TAX1BP1: variants seen among roughly 807,000 people sequenced by gnomAD.
The protein encoded by TAX1BP1 is tax1-binding protein 1.
A neutral mutation model predicts 97.7 loss-of-function variants in TAX1BP1; 62 were observed. The ratio of observed to expected loss-of-function variants is 0.63; its 90% CI spans 0.52 to 0.78. The LOEUF (loss-of-function observed/expected upper bound fraction) is 0.78. Among genes scored for constraint, TAX1BP1 ranks in the 30% least tolerant of loss-of-function variants. The pLI, the probability that TAX1BP1 is intolerant of heterozygous loss-of-function variation, is 0.00. For missense variants in TAX1BP1, 867 were observed against 916.1 expected (o/e 0.95, Z 0.69); for synonymous variants, 340 against 304.2 (o/e 1.12, Z -1.23).
chr7:27,787,870 C>G (rs1202880730), intron 8 of TAX1BP1, among the ~76,000 whole-genome samples: 1 of 152,002 alleles, frequency 6.6e-6, no homozygotes, highest in Non-Finnish European at 1.5e-5. Context: ...TTTAGCATGT[C>G]TCCCTTATGA....
chr7:27,797,300 T>A (rs1789972645), intron 12 of TAX1BP1, among the ~76,000 whole-genome samples: 1 of 152,034 alleles, frequency 6.6e-6, no homozygotes, highest in African/African-American at 2.4e-5. Flanking sequence ...CCCGGCCTAT[T>A]TTGATTATTT....
At chr7:27,818,197 C>A (rs764075715) in intron 15 of TAX1BP1, among the ~76,000 whole-genome samples, 4 of 152,166 alleles carry the variant, frequency 2.6e-5, no homozygotes, top group Non-Finnish European at 4.4e-5. Context: ...TCTTTCTGAT[C>A]TGTGTGCTTT....
At chr7:27,776,780 AGTT>A (rs145430199) in intron 5 of TAX1BP1, among the ~76,000 whole-genome samples, 11,524 of 144,918 alleles carry the variant, frequency 0.08, 638 homozygotes, top group Middle Eastern at 0.12. Flanking sequence ...TGTTGCTTAA[AGTT>A]GTTTCAGAGT....
intron 7 of TAX1BP1, among the ~76,000 whole-genome samples, chr7:27,786,010 T>G (rs1789464302): frequency 6.6e-6 from 1 of 152,188 alleles, no homozygotes; most frequent in Non-Finnish European, 1.5e-5. Context: ...ATATACACAT[T>G]GGGGAGAACA....
intron 4 of TAX1BP1, among the ~76,000 whole-genome samples, chr7:27,768,522 G>A (rs2128312169): frequency 6.6e-6 from 1 of 151,942 alleles, no homozygotes; most frequent in South Asian, 2.1e-4. Flanking sequence ...GTTGTGCTAT[G>A]TCAAGATATA....
At chr7:27,826,739 G>C (rs2051830) in intron 15 of TAX1BP1, among the ~76,000 whole-genome samples, 120,286 of 152,166 alleles carry the variant, frequency 0.79, 48,524 homozygotes, top group African/African-American at 0.95. Context: ...TGTTTTCTTT[G>C]TGATGAAAAC....
At chr7:27,780,853 A>G (rs987901494) in intron 5 of TAX1BP1, among the ~76,000 whole-genome samples, 10 of 152,158 alleles carry the variant, frequency 6.6e-5, no homozygotes, top group African/African-American at 2.4e-4. Context: ...TTTTAAACCC[A>G]TAATTTTTGT....
rs1483139873 is a variant in TAX1BP1 at position 27,828,751 on chromosome 7, C to A, written c.2292C>A (p.Phe764Leu). The stretch of plus-strand genomic sequence containing the variant: ...TGTGCCCGATGTGCAGCGAGCAGTT[C>A]CCTCCTGACTATGACCAGCAGGTGT... ...WKVCPMCSEQ[F>L]PPDYDQQVFE... The change falls in exon 17 of 17, where the codon TTC becomes TTA. Residue 764 changes from phenylalanine (F) to leucine (L), a missense_variant. Coordinates refer to ENST00000396319, the MANE Select transcript of TAX1BP1 (RefSeq NM_006024.7). The A allele has an allele frequency of 1.2e-6, 2 of 1,613,976 alleles. No homozygotes were observed.
At chr7:27,746,496 C>G (rs1391035471) in intron 1 of TAX1BP1, among the ~76,000 whole-genome samples, 1 of 151,080 alleles carries the variant, frequency 6.6e-6, no homozygotes. Context: ...TCCCTGGGAG[C>G]CCAAATTAGC....
intron 3 of TAX1BP1, among the ~76,000 whole-genome samples, chr7:27,764,909 T>A (rs1788564021): frequency 6.7e-6 from 1 of 149,298 alleles, no homozygotes; most frequent in Non-Finnish European, 1.5e-5. Flanking sequence ...TTTTTTGACA[T>A]GCTCCACCCC....
intron 4 of TAX1BP1, among the ~76,000 whole-genome samples, 185 bp downstream of exon 4, chr7:27,766,206 G>C (rs1230853639): frequency 2.0e-5 from 3 of 152,050 alleles, no homozygotes; most frequent in Admixed American, 6.6e-5. Flanking sequence ...AGATCACGAT[G>C]TCAGGATATC....
intron 15 of TAX1BP1, among the ~76,000 whole-genome samples, chr7:27,826,460 C>A (rs991137670): frequency 6.6e-6 from 1 of 152,184 alleles, no homozygotes; most frequent in Non-Finnish European, 1.5e-5. Context: ...CTTCCCATGA[C>A]AGACTTAACT....
At position 27,793,377 on chromosome 7, in the gene TAX1BP1, G is replaced by T. The variant is rs150086050; in HGVS notation, c.1410+165G>T. Among the ~76,000 whole-genome samples the T allele has an allele frequency of 3.8e-3, 584 of 152,138 alleles. 1 individual carries two copies. Among genetic ancestry groups the T allele is most frequent in the Middle Eastern group, 0.021 (6 of 290 alleles). ...AATAACTCTTCTTTAAAAAAGTCTG[G>T]AATTTTAATTTACTGGACAGCCAAC... is the stretch of plus-strand genomic sequence containing the variant. On this transcript the variant is annotated intron_variant, in intron 10 of 16. Transcript: ENST00000396319.
intron 5 of TAX1BP1, among the ~76,000 whole-genome samples, chr7:27,781,003 C>T (rs1321341423): frequency 2.0e-5 from 3 of 151,352 alleles, no homozygotes; most frequent in East Asian, 1.9e-4. Flanking sequence ...TTACTTATTC[C>T]CTAACTCTTT....
At chr7:27,785,338 A>C in intron 6 of TAX1BP1, 27 bp downstream of exon 6, 1 of 1,588,680 alleles carries the variant, frequency 6.3e-7, no homozygotes, top group Non-Finnish European at 8.5e-7. Flanking sequence ...TAAAAAATAA[A>C]TTCAATAAAA....
chr7:27,748,572 T>C lies in TAX1BP1; in HGVS notation c.48T>C (p.His16=). 1 of 1,605,504 alleles carries C rather than the reference T, an allele frequency of 6.2e-7. No individual in the cohort carries two copies. Among genetic ancestry groups the C allele is most frequent in the Non-Finnish European group, 8.5e-7 (1 of 1,175,204 alleles). The change falls in exon 2 of 17, where the codon CAT becomes CAC. Residue 16 remains histidine (H), a synonymous_variant. Transcript: ENST00000396319. ...CATTGCAGACTTCCAACTTTGCCCA[T>C]GTCATCTTTCAAAATGTGGCCAAGA... The part of the protein sequence containing the change: ...EVPLQTSNFA[H]VIFQNVAKSY...
intron 5 of TAX1BP1, among the ~76,000 whole-genome samples, chr7:27,777,647 A>G (rs1006902084): frequency 6.6e-6 from 1 of 152,114 alleles, no homozygotes; most frequent in Non-Finnish European, 1.5e-5. Context: ...CTTTTTCTAC[A>G]TGATTCTTCT....
At chr7:27,742,687 C>T (rs997291196) in intron 1 of TAX1BP1, among the ~76,000 whole-genome samples, 3 of 152,080 alleles carry the variant, frequency 2.0e-5, no homozygotes, top group Non-Finnish European at 4.4e-5. Context: ...AGGCTAGTGT[C>T]GAACTCCTGA....
intron 2 of TAX1BP1, among the ~76,000 whole-genome samples, chr7:27,754,795 G>A (rs1006481787): frequency 2.0e-5 from 3 of 151,984 alleles, no homozygotes; most frequent in East Asian, 1.9e-4. Context: ...GTGTTAGCCA[G>A]GATGGTCTCC....
Sources: gnomAD v4.1 joint callset for allele counts (sites outside exome capture counted in the v4.1 genomes callset) on GRCh38, gnomAD v4.1.1 for gene constraint, MANE v1.5 for transcripts, NCBI Gene and HGNC (gene_info 2026-07-23, HGNC 2026-07-21) for gene names.